CEACAM18: variants seen among roughly 807,000 people sequenced by gnomAD.
CEACAM18 encodes the protein cell adhesion molecule CEACAM18.
In CEACAM18, 33 loss-of-function variants were observed where a neutral mutation model predicts 34.3. The ratio of observed to expected loss-of-function variants is 0.96; its 90% CI spans 0.73 to 1.29. The LOEUF is 1.29. Among genes scored for constraint, CEACAM18 ranks in the 50% most tolerant of loss-of-function variants. The pLI, the probability that CEACAM18 is intolerant of heterozygous loss-of-function variation, is 0.00. For synonymous variants in CEACAM18, 169 were observed against 180.9 expected (o/e 0.93, Z 0.53); for missense variants, 474 against 485.0 (o/e 0.98, Z 0.21).
chr19:51,480,188 G>A (rs1044161625), intron 1 of CEACAM18, 145 bp from the exon 2 acceptor site: 9 of 667,402 alleles, frequency 1.3e-5, no homozygotes, highest in African/African-American at 1.8e-5. Flanking sequence ...ACAAGCTGGG[G>A]ACTCTACCAG....
intron 5 of CEACAM18, 100 bp from the exon 6 acceptor site, chr19:51,490,487 C>T: frequency 2.9e-6 from 3 of 1,036,012 alleles, no homozygotes; most frequent in Non-Finnish European, 3.7e-6. Context: ...TAGGCTTGGA[C>T]TTGGTGGGAA....
At chr19:51,478,770 G>A in intron 1 of CEACAM18, 76 bp downstream of exon 1, 2 of 1,102,732 alleles carry the variant, frequency 1.8e-6, no homozygotes, top group Non-Finnish European at 1.2e-6. Context: ...GCGGGGAGGG[G>A]GCTGGGACCA....
chr19:51,488,803 G>A (rs779882633), intron 5 of CEACAM18, among the ~76,000 whole-genome samples: 9 of 152,046 alleles, frequency 5.9e-5, no homozygotes, highest in Admixed American at 1.3e-4. Context: ...CTAAGAGCAG[G>A]GCCATTTCTG....
intron 3 of CEACAM18, 85 bp downstream of exon 3, chr19:51,481,750 TGGA>T: frequency 7.1e-7 from 1 of 1,411,658 alleles, no homozygotes; most frequent in Non-Finnish European, 9.5e-7. Context: ...CAGGCTGAGC[TGGA>T]GAGAGGGGGC....
intron 5 of CEACAM18, among the ~76,000 whole-genome samples, chr19:51,487,542 G>A (rs1990026638): frequency 1.3e-5 from 2 of 151,786 alleles, no homozygotes; most frequent in East Asian, 1.9e-4. Context: ...CAAGGCGGGC[G>A]GATCATCAGG....
chr19:51,481,461 G>T, exon 3 of CEACAM18: 1 of 1,613,948 alleles, frequency 6.2e-7, no homozygotes, highest in Non-Finnish European at 8.5e-7. Flanking sequence ...TTCTGTGGCT[G>T]CTGACTGCCT....
chr19:51,490,775 G>C (rs1336823507), exon 6 of CEACAM18: 3 of 470,652 alleles, frequency 6.4e-6, no homozygotes, highest in Non-Finnish European at 1.0e-5. Context: ...GAAGCCTGGA[G>C]ATGGAGGCTC....
chr19:51,483,432 T>G, intron 4 of CEACAM18, 136 bp downstream of exon 4: 1 of 1,067,874 alleles, frequency 9.4e-7, no homozygotes, highest in Non-Finnish European at 1.4e-6. Context: ...AATCTCCCAG[T>G]TCTCTGAGGT....
At chr19:51,481,755 A>ACCACC in intron 3 of CEACAM18, 90 bp downstream of exon 3, 54 of 1,367,730 alleles carry the variant, frequency 3.9e-5, no homozygotes, top group South Asian at 1.9e-4. Flanking sequence ...TGAGCTGGAG[A>ACCACC]GAGGGGGCAT....
At chr19:51,485,631 G>A (rs952397185) in intron 5 of CEACAM18, among the ~76,000 whole-genome samples, 1 of 152,230 alleles carries the variant, frequency 6.6e-6, no homozygotes, top group Non-Finnish European at 1.5e-5. Flanking sequence ...CCCAGCTGAA[G>A]AATGAACGGA....
intron 1 of CEACAM18, among the ~76,000 whole-genome samples, chr19:51,479,333 C>T (rs1299295458): frequency 6.6e-6 from 1 of 152,218 alleles, no homozygotes; most frequent in Non-Finnish European, 1.5e-5. Flanking sequence ...TGGTAACAGG[C>T]TGCCGCCTCC....
At chr19:51,483,094 G>A in exon 4 of CEACAM18, 1 of 1,614,060 alleles carries the variant, frequency 6.2e-7, no homozygotes, top group Non-Finnish European at 8.5e-7. Context: ...CGGCTCCCAA[G>A]TGGAAATGGA....
chr19:51,485,031 A>C, exon 5 of CEACAM18: 1 of 1,536,106 alleles, frequency 6.5e-7, no homozygotes, highest in Non-Finnish European at 8.7e-7. Flanking sequence ...CTCAGGATCC[A>C]TGGTGATGTT....
At chr19:51,483,447 GTCCAA>G in intron 4 of CEACAM18, 151 bp downstream of exon 4, 2 of 905,356 alleles carry the variant, frequency 2.2e-6, no homozygotes, top group Non-Finnish European at 3.4e-6. Context: ...TGAGGTCTGG[GTCCAA>G]AGCTGCCTCC....
chr19:51,486,964 C>T (rs372556601), intron 5 of CEACAM18, among the ~76,000 whole-genome samples: 10 of 151,554 alleles, frequency 6.6e-5, no homozygotes, highest in Non-Finnish European at 8.8e-5. Context: ...CCTCGTGATC[C>T]GCCCGCCTCA....
chr19:51,480,394 G>A, exon 2 of CEACAM18: 1 of 1,613,022 alleles, frequency 6.2e-7, no homozygotes, highest in South Asian at 1.1e-5. Flanking sequence ...CCCAAACCCT[G>A]GGGATCAAGG....
chr19:51,479,170 A>C (rs1305753379), intron 1 of CEACAM18, among the ~76,000 whole-genome samples: 1 of 150,656 alleles, frequency 6.6e-6, no homozygotes, highest in East Asian at 2.0e-4. Flanking sequence ...CCCTACAAGC[A>C]CAACTGTCCT....
At chr19:51,484,964 C>G in intron 4 of CEACAM18, 23 bp from the exon 5 acceptor site, 1 of 1,535,942 alleles carries the variant, frequency 6.5e-7, no homozygotes. Context: ...TGGTCCTGAC[C>G]CCCAGGTGTC....
chr19:51,487,900 A>G (rs986641431), intron 5 of CEACAM18, among the ~76,000 whole-genome samples: 2 of 152,214 alleles, frequency 1.3e-5, no homozygotes, highest in Non-Finnish European at 2.9e-5. Flanking sequence ...ATAAGTAAAA[A>G]ATCCAGCTCC....
Sources: allele counts gnomAD v4.1 joint callset (sites outside exome capture counted in the v4.1 genomes callset), GRCh38; gene constraint gnomAD v4.1.1; transcripts MANE v1.5; gene names NCBI Gene and HGNC (gene_info 2026-07-23, HGNC 2026-07-21).